ST3GAL6: variants seen among roughly 807,000 people sequenced by gnomAD.
ST3GAL6 encodes the protein ST3 beta-galactoside alpha-2,3-sialyltransferase 6, also known as type 2 lactosamine alpha-2,3-sialyltransferase.
ST3GAL6 carries 31 observed loss-of-function variants against 40.5 expected under a neutral mutation model. The ratio of observed to expected loss-of-function variants is 0.77; its 90% CI spans 0.58 to 1.03. ST3GAL6 has a LOEUF of 1.03. Among genes scored for constraint, ST3GAL6 ranks in the 50% least tolerant of loss-of-function variants. The pLI, the probability that ST3GAL6 is intolerant of heterozygous loss-of-function variation, is 0.00. For missense variants in ST3GAL6, 357 were observed against 393.2 expected, an observed-to-expected ratio of 0.91 and a Z score of 0.78; for synonymous variants, 129 against 136.9, an observed-to-expected ratio of 0.94 and a Z score of 0.40.
chr3:98,786,761 AAG>A lies in ST3GAL6; in HGVS notation c.432-1271_432-1270del, dbSNP rs547141120. The stretch of plus-strand genomic sequence containing the variant: ...CATTGGTTAACTGGTGGAAATGAGA[AAG>A]AGATTGGGGTGGTAAAAGAGAGGGG... On this transcript the variant is annotated intron_variant, in intron 6 of 9. Transcript: ENST00000483910. Among the ~76,000 whole-genome samples the A allele has an allele frequency of 1.1e-4, 17 of 152,024 alleles. No homozygotes were observed. In the East Asian group the frequency reaches 3.3e-3, roughly 29 times the overall value.
intron 1 of ST3GAL6, among the ~76,000 whole-genome samples, chr3:98,749,990 T>G (rs1488878264): frequency 6.6e-6 from 1 of 152,220 alleles, no homozygotes; most frequent in Non-Finnish European, 1.5e-5. Flanking sequence ...GAATATAATG[T>G]AAAGCCCTAC....
chr3:98,746,563 T>A (rs73136006), intron 1 of ST3GAL6, among the ~76,000 whole-genome samples: 36 of 152,286 alleles, frequency 2.4e-4, no homozygotes, highest in Non-Finnish European at 5.0e-4. Flanking sequence ...CAGTAAATAG[T>A]TATCCATCTT....
intron 1 of ST3GAL6, among the ~76,000 whole-genome samples, chr3:98,764,600 A>C (rs1938134250): frequency 6.6e-6 from 1 of 152,240 alleles, no homozygotes; most frequent in Non-Finnish European, 1.5e-5. Context: ...GAAAGCTCAC[A>C]TCTAGGGGGA....
chr3:98,763,176 C>T (rs1937971046), upstream of ST3GAL6: 2 of 1,196,462 alleles, frequency 1.7e-6, no homozygotes, highest in Non-Finnish European at 2.1e-6. Flanking sequence ...CAAAAAAAAT[C>T]TAGACATTAA....
intron 1 of ST3GAL6, among the ~76,000 whole-genome samples, chr3:98,764,779 A>T (rs926405998): frequency 6.6e-6 from 1 of 152,234 alleles, no homozygotes; most frequent in African/African-American, 2.4e-5. Context: ...TCAGGATGTC[A>T]TGAGGTAATA....
chr3:98,746,306 T>A (rs1257597112), intron 1 of ST3GAL6, among the ~76,000 whole-genome samples: 1 of 152,198 alleles, frequency 6.6e-6, no homozygotes, highest in Non-Finnish European at 1.5e-5. Flanking sequence ...CTATGGAATG[T>A]ACTAAAATAT....
chr3:98,788,538 G>C, intron 8 of ST3GAL6, 75 bp downstream of exon 8: 1 of 1,369,624 alleles, frequency 7.3e-7, no homozygotes, highest in Non-Finnish European at 9.8e-7. Context: ...GGAACTCTCA[G>C]AAACTGTATG....
At chr3:98,734,232 G>C (rs932061162) in intron 1 of ST3GAL6, among the ~76,000 whole-genome samples, 1 of 152,150 alleles carries the variant, frequency 6.6e-6, no homozygotes, top group Non-Finnish European at 1.5e-5. Flanking sequence ...CAGGCTGCCA[G>C]GTTATTTTCC....
chr3:98,741,047 A>T (rs1936034283), intron 1 of ST3GAL6, among the ~76,000 whole-genome samples: 1 of 98,502 alleles, frequency 1.0e-5, no homozygotes, highest in South Asian at 4.0e-4. Flanking sequence ...TAGTAGAGGG[A>T]TTCAGTGTGT....
In ST3GAL6 at chr3:98,794,434, C is replaced by CTT. The variant is rs71625503; in HGVS notation, c.*675_*676dup. The CTT allele has an allele frequency of 1.3e-5, 2 of 151,518 alleles. No individual in the cohort carries two copies. Among genetic ancestry groups the CTT allele is most frequent in the African/African-American group, 4.9e-5 (2 of 41,176 alleles). The allele number at this position is 151,518 out of a possible 1,614,324, so 9.4% of individuals were successfully genotyped here. ...ATTATTTTAAAGAAATGAAGTTTAA[C>CTT]TTTATACAGTGAAGCTAAGCTAGGC... On this transcript the variant is annotated 3_prime_UTR_variant, in exon 10 of 10. Transcript: ENST00000483910.
In ST3GAL6 at chr3:98,784,928, G is replaced by C. The variant is rs1193160213; in HGVS notation, c.336-17G>C. On this transcript the variant is annotated splice_polypyrimidine_tract_variant and intron_variant, in intron 5 of 9. Coordinates refer to ENST00000483910, the MANE Select transcript of ST3GAL6 (RefSeq NM_001323368.2). ...TAAAAGATGGCTCAATCTCTCACTT[G>C]TCCATCTGTCCAACAGCATACCCTG... 1 of 1,596,242 alleles carries C rather than the reference G, an allele frequency of 6.3e-7. No homozygotes were observed. Among genetic ancestry groups the C allele is most frequent in the Non-Finnish European group, 8.6e-7 (1 of 1,166,122 alleles).
intron 1 of ST3GAL6, among the ~76,000 whole-genome samples, chr3:98,749,852 G>A (rs927713230): frequency 5.8e-4 from 89 of 152,220 alleles, no homozygotes; most frequent in Non-Finnish European, 1.8e-4. Flanking sequence ...CTGATTGAAA[G>A]CCCAAATCTA....
chr3:98,777,045 A>G (rs142197583), intron 5 of ST3GAL6, among the ~76,000 whole-genome samples: 2 of 152,292 alleles, frequency 1.3e-5, no homozygotes, highest in African/African-American at 2.4e-5. Context: ...CTGCTTCTCT[A>G]TCTTGACGCC....
chr3:98,737,293 C>T (rs995652135), intron 1 of ST3GAL6, among the ~76,000 whole-genome samples: 4 of 152,252 alleles, frequency 2.6e-5, no homozygotes, highest in Non-Finnish European at 5.9e-5. Context: ...TCAGGTGATC[C>T]GCCCACTTCG....
chr3:98,783,027 G>T, intron 5 of ST3GAL6: 1 of 290,012 alleles, frequency 3.4e-6, no homozygotes. Flanking sequence ...AAGCTGCGGG[G>T]ACCATCATCC....
rs1051063653 is a variant in ST3GAL6 at position 98,787,944 on chromosome 3, T to C, written c.432-92T>C. ...TTCAGAGCACAGGATAAAAGGCTGA[T>C]GTTTGTCCAACTCTGAAACCTCTGA... On this transcript the variant is annotated intron_variant, in intron 6 of 9. Coordinates refer to ENST00000483910, the MANE Select transcript of ST3GAL6 (RefSeq NM_001323368.2). The C allele has an allele frequency of 3.0e-5, 35 of 1,149,250 alleles. No individual in the cohort carries two copies. The African/African-American group carries it at 5.1e-4, about 17-fold the overall frequency. 71.2% of individuals were successfully genotyped at this position (1,149,250 alleles called of 1,614,324 possible). A position where few individuals can be genotyped will look rare whatever the true frequency, so the allele number is the denominator to read the frequency against.
chr3:98,740,864 A>G (rs1427065715), intron 1 of ST3GAL6, among the ~76,000 whole-genome samples: 1 of 152,086 alleles, frequency 6.6e-6, no homozygotes, highest in African/African-American at 2.4e-5. Flanking sequence ...GTTCTTATAT[A>G]CCTCTAATTT....
chr3:98,788,521 G>T, intron 8 of ST3GAL6, 58 bp downstream of exon 8: 2 of 1,486,738 alleles, frequency 1.3e-6, no homozygotes, highest in Non-Finnish European at 9.0e-7. Flanking sequence ...TAGGATAGAG[G>T]GTCCTGGGAA....
At chr3:98,743,601 A>G (rs1317481001) in intron 1 of ST3GAL6, among the ~76,000 whole-genome samples, 2 of 152,216 alleles carry the variant, frequency 1.3e-5, no homozygotes, top group African/African-American at 2.4e-5. Context: ...CACAAAGCAT[A>G]TAAGTATAGT....
Sources: allele counts gnomAD v4.1 joint callset (sites outside exome capture counted in the v4.1 genomes callset), GRCh38; gene constraint gnomAD v4.1.1; transcripts MANE v1.5; gene names NCBI Gene and HGNC (gene_info 2026-07-23, HGNC 2026-07-21).